B3GLCT: variants seen among roughly 807,000 people sequenced by gnomAD.
B3GLCT encodes beta-1,3-glucosyltransferase.
Under a neutral mutation model 63.4 loss-of-function variants are expected in B3GLCT, and 65 were observed. The observed-to-expected ratio is 1.03, with a 90% CI of 0.84 to 1.26. The LOEUF is 1.26. Among genes scored for constraint, B3GLCT ranks in the 50% most tolerant of loss-of-function variants. The pLI, the probability that B3GLCT is intolerant of heterozygous loss-of-function variation, is 0.00. For synonymous variants in B3GLCT, 233 were observed against 219.2 expected, an observed-to-expected ratio of 1.06 and a Z score of -0.55; for missense variants, 577 against 604.8, an observed-to-expected ratio of 0.95 and a Z score of 0.48.
chr13:31,227,524 T>G (rs539906322), intron 3 of B3GLCT, among the ~76,000 whole-genome samples: 1 of 152,236 alleles, frequency 6.6e-6, no homozygotes, highest in Admixed American at 6.5e-5. Context: ...GAAGCTGGTT[T>G]AAAATAGAGA....
intron 12 of B3GLCT, among the ~76,000 whole-genome samples, chr13:31,289,881 T>G (rs1007701684): frequency 2.6e-5 from 4 of 152,116 alleles, no homozygotes; most frequent in Admixed American, 6.5e-5. Context: ...TTTTTTTTAA[T>G]TATACTTTAA....
intron 4 of B3GLCT, among the ~76,000 whole-genome samples, chr13:31,230,881 G>A (rs1000937502): frequency 6.6e-6 from 1 of 152,026 alleles, no homozygotes; most frequent in Admixed American, 6.6e-5. Context: ...GGTGGTGTGC[G>A]CCTGTAGTCC....
At chr13:31,238,209 G>A (rs972875876) in intron 4 of B3GLCT, among the ~76,000 whole-genome samples, 3 of 152,144 alleles carry the variant, frequency 2.0e-5, no homozygotes, top group African/African-American at 7.2e-5. Flanking sequence ...TTGCCTCAAG[G>A]TGCTAAAATG....
chr13:31,224,622 G>A (rs925313627), intron 3 of B3GLCT, among the ~76,000 whole-genome samples: 2 of 151,914 alleles, frequency 1.3e-5, no homozygotes, highest in Admixed American at 1.3e-4. Flanking sequence ...CTCCATGCAC[G>A]GGATGCTGTT....
rs756748782 is a variant in B3GLCT, at chr13:31,284,700, T to C, written c.903T>C (p.Tyr301=). 16 of 1,611,888 alleles carry C rather than the reference T, an allele frequency of 9.9e-6. No individual in the cohort carries two copies. In the Admixed American group the frequency reaches 1.5e-4, roughly 15 times the overall value. Residue 301 remains tyrosine (Y), a synonymous_variant, in exon 11 of 15, where the codon TAT becomes TAC. Coordinates refer to ENST00000343307, the MANE Select transcript of B3GLCT (RefSeq NM_194318.4). The part of the protein sequence containing the change: ...WESQASLIEY[Y]SDYTENSIPT... Reference sequence around the variant, plus strand: ...GCCAGGCAAGTCTCATTGAATACTATAGTGACTATACTGAAAATTCCATTC... The same window carrying C: ...GCCAGGCAAGTCTCATTGAATACTACAGTGACTATACTGAAAATTCCATTC...
chr13:31,203,832 T>A (rs933010886), intron 1 of B3GLCT, among the ~76,000 whole-genome samples: 1 of 152,228 alleles, frequency 6.6e-6, no homozygotes, highest in African/African-American at 2.4e-5. Context: ...CTACCATGAT[T>A]TCAAAGTTCT....
rs116477940 is a variant in B3GLCT, at chr13:31,324,451, C to T, written c.1329+556C>T. ...GAGATGAGCTTATGTTTACCAGGGA[C>T]GGGTAGTGCTTTTAGCCTCCCCATA... On this transcript the variant is annotated intron_variant, in intron 14 of 14. Transcript: ENST00000343307. Among the ~76,000 whole-genome samples, 699 of 152,246 alleles carry T rather than the reference C, an allele frequency of 4.6e-3. 7 individuals carry two copies. Among genetic ancestry groups the T allele is most frequent in the African/African-American group, 0.016 (668 of 41,560 alleles).
chr13:31,225,998 A>G (rs887501068), intron 3 of B3GLCT, among the ~76,000 whole-genome samples: 4 of 152,158 alleles, frequency 2.6e-5, no homozygotes, highest in African/African-American at 4.8e-5. Context: ...CCTGACAGAC[A>G]TGGTCGTTCA....
At position 31,236,147 on chromosome 13, in the gene B3GLCT, T is replaced by C. The variant is rs967242340; in HGVS notation, c.270+6853T>C. ...CCAGAGGGAGGTGGGACCTGTTCCCTATTCCTTTTTGCATCCCGCATAGCA... is the reference window on the plus strand; with the variant it reads ...CCAGAGGGAGGTGGGACCTGTTCCCCATTCCTTTTTGCATCCCGCATAGCA... On this transcript the variant is annotated intron_variant, in intron 4 of 14. Transcript: ENST00000343307. 1.8e-4 allele frequency among the ~76,000 whole-genome samples: 28 copies of C among 152,234 alleles called. 1 individual carries two copies. Among genetic ancestry groups the C allele is most frequent in the Non-Finnish European group, 2.2e-4 (15 of 68,036 alleles).
chr13:31,321,082 C>T (rs764703957), intron 13 of B3GLCT, among the ~76,000 whole-genome samples: 3 of 152,220 alleles, frequency 2.0e-5, no homozygotes, highest in Non-Finnish European at 2.9e-5. Flanking sequence ...TTTCATTTCT[C>T]GTTATTTCCT....
At chr13:31,320,495 T>A (rs1392378358) in intron 13 of B3GLCT, among the ~76,000 whole-genome samples, 1 of 152,226 alleles carries the variant, frequency 6.6e-6, no homozygotes, top group Non-Finnish European at 1.5e-5. Context: ...AGAAATTCAT[T>A]CATCTAGGCT....
At chr13:31,316,275 C>A (rs1289464714) in intron 12 of B3GLCT, among the ~76,000 whole-genome samples, 3 of 151,106 alleles carry the variant, frequency 2.0e-5, no homozygotes, top group Non-Finnish European at 4.4e-5. Flanking sequence ...CACTTAATAC[C>A]AGCCTGTGAA....
intron 6 of B3GLCT, among the ~76,000 whole-genome samples, chr13:31,257,069 T>A (rs1871780135): frequency 6.6e-6 from 1 of 152,190 alleles, no homozygotes; most frequent in Non-Finnish European, 1.5e-5. Context: ...AATAATTTTT[T>A]TAAAAGTAGT....
At position 31,249,596 on chromosome 13, in the gene B3GLCT, C is replaced by T. The variant is rs182083788; in HGVS notation, c.459+1630C>T. ...TAATTCTGTACAGGAGATGGTGACTCACTTTGCTTTTTAATGAAAATTGGG... is the reference window on the plus strand; with the variant it reads ...TAATTCTGTACAGGAGATGGTGACTTACTTTGCTTTTTAATGAAAATTGGG... On this transcript the variant is annotated intron_variant, in intron 6 of 14. Coordinates refer to ENST00000343307, the MANE Select transcript of B3GLCT (RefSeq NM_194318.4). 7.2e-5 allele frequency among the ~76,000 whole-genome samples: 11 copies of T among 152,274 alleles called. 1 individual carries two copies. The highest frequency in any genetic ancestry group is 1.6e-4 in the Non-Finnish European group (11 of 68,026).
chr13:31,293,266 A>G (rs565333186), intron 12 of B3GLCT, among the ~76,000 whole-genome samples: 1 of 152,308 alleles, frequency 6.6e-6, no homozygotes, highest in Non-Finnish European at 1.5e-5. Context: ...GCTGTGAAGA[A>G]TGTATATTCT....
chr13:31,246,087 T>C (rs1871183406), intron 4 of B3GLCT, among the ~76,000 whole-genome samples: 1 of 152,206 alleles, frequency 6.6e-6, no homozygotes, highest in Admixed American at 6.5e-5. Flanking sequence ...AAGACAGCTG[T>C]GAAATCCACA....
intron 2 of B3GLCT, among the ~76,000 whole-genome samples, chr13:31,216,809 C>G (rs1593250463): frequency 6.6e-6 from 1 of 152,166 alleles, no homozygotes; most frequent in African/African-American, 2.4e-5. Context: ...GTGTAGTATT[C>G]CATGGTGTAT....
intron 12 of B3GLCT, among the ~76,000 whole-genome samples, chr13:31,297,802 G>C (rs1874032215): frequency 6.6e-6 from 1 of 152,128 alleles, no homozygotes; most frequent in African/African-American, 2.4e-5. Flanking sequence ...TAATTTGCTA[G>C]AGTGGCTCTC....
intron 6 of B3GLCT, among the ~76,000 whole-genome samples, chr13:31,254,415 A>G (rs775234627): frequency 6.6e-6 from 1 of 152,190 alleles, no homozygotes. Context: ...ACAGAACCAC[A>G]TGATTATCTC....
Sources: gnomAD v4.1 joint callset for allele counts (sites outside exome capture counted in the v4.1 genomes callset) on GRCh38, gnomAD v4.1.1 for gene constraint, MANE v1.5 for transcripts, NCBI Gene and HGNC (gene_info 2026-07-23, HGNC 2026-07-21) for gene names.